PSMF1: variants seen among roughly 807,000 people sequenced by gnomAD.
PSMF1 encodes the protein proteasome inhibitor subunit 1.
PSMF1 carries 30 observed loss-of-function variants against 29.3 expected under a neutral mutation model. That is an observed-to-expected ratio of 1.02 (90% CI 0.77 to 1.39). PSMF1 has a LOEUF of 1.39. PSMF1 is among the 40% of genes most tolerant of loss of function. The pLI, the probability that PSMF1 is intolerant of heterozygous loss-of-function variation, is 0.00. For missense variants in PSMF1, 344 were observed against 357.5 expected, an observed-to-expected ratio of 0.96 and a Z score of 0.31; for synonymous variants, 134 against 139.7, an observed-to-expected ratio of 0.96 and a Z score of 0.29.
At position 1,125,085 on chromosome 20, in the gene PSMF1, C is replaced by T. The variant is rs1009898311; in HGVS notation, c.130-413C>T. Reference sequence around the variant, plus strand: ...TCACTGCAGTCAGTTAGCGTGTATTCGGATCTGTGTTTTTAGTCAACACCT... The same window carrying T: ...TCACTGCAGTCAGTTAGCGTGTATTTGGATCTGTGTTTTTAGTCAACACCT... On this transcript the variant is annotated intron_variant, in intron 1 of 6. Coordinates refer to ENST00000335877, the MANE Select transcript of PSMF1 (RefSeq NM_006814.5). Among the ~76,000 whole-genome samples the T allele has an allele frequency of 6.6e-5, 10 of 152,198 alleles. No homozygotes were observed. In the East Asian group the frequency reaches 1.7e-3, roughly 26 times the overall value.
At position 1,122,162 on chromosome 20, in the gene PSMF1, T is replaced by C. The variant is rs567484976; in HGVS notation, c.129+3260T>C. ...CTTGTGGACCTGGCTGGGAAAAACCTTCTCTAGCCATAGCCTGGGCAATCA... is the reference window on the plus strand; with the variant it reads ...CTTGTGGACCTGGCTGGGAAAAACCCTCTCTAGCCATAGCCTGGGCAATCA... On this transcript the variant is annotated intron_variant, in intron 1 of 6. Transcript: ENST00000335877. 5.4e-3 allele frequency among the ~76,000 whole-genome samples: 823 copies of C among 152,278 alleles called. 9 individuals carry two copies. Among genetic ancestry groups the C allele is most frequent in the Non-Finnish European group, 5.8e-3 (396 of 68,014 alleles).
chr20:1,127,729 C>T (rs1337823345), intron 3 of PSMF1, among the ~76,000 whole-genome samples: 1 of 152,116 alleles, frequency 6.6e-6, no homozygotes, highest in Non-Finnish European at 1.5e-5. Flanking sequence ...GTCAAGAGTC[C>T]ACAAGTGCAG....
At chr20:1,160,780 C>A in intron 4 of PSMF1, 1 of 422,476 alleles carries the variant, frequency 2.4e-6, no homozygotes, top group African/African-American at 2.1e-5. Flanking sequence ...GGCATCCTGA[C>A]GATGAAGTAC....
rs1281468702 is a variant in PSMF1 at position 1,168,451 on chromosome 20, C to T, written c.*3371C>T. The T allele has an allele frequency of 6.6e-6, 1 of 152,266 alleles. No homozygotes were observed. The highest frequency in any genetic ancestry group is 1.5e-5 in the Non-Finnish European group (1 of 68,068). The allele number at this position is 152,266 out of a possible 1,614,324, so 9.4% of individuals were successfully genotyped here. A position where few individuals can be genotyped will look rare whatever the true frequency, so the allele number is the denominator to read the frequency against. On this transcript the variant is annotated 3_prime_UTR_variant, in exon 7 of 7. Coordinates refer to ENST00000335877, the MANE Select transcript of PSMF1 (RefSeq NM_006814.5). ...TACCAGCAGCCCCCACATCACACCT[C>T]CTCTTCCTTGGCTTGTCTCTTCCCC...
chr20:1,117,013 A>C (rs774328894), upstream of PSMF1, among the ~76,000 whole-genome samples: 1 of 152,236 alleles, frequency 6.6e-6, no homozygotes, highest in Non-Finnish European at 1.5e-5. Flanking sequence ...TCTAAGTGTG[A>C]GATGCTGGAG....
chr20:1,155,645 C>G (rs1443131724), intron 4 of PSMF1, among the ~76,000 whole-genome samples: 1 of 152,198 alleles, frequency 6.6e-6, no homozygotes, highest in Non-Finnish European at 1.5e-5. Context: ...GAACCTGATT[C>G]TAAATAGCAT....
intron 4 of PSMF1, among the ~76,000 whole-genome samples, chr20:1,141,024 T>C (rs1365075322): frequency 6.6e-6 from 1 of 152,224 alleles, no homozygotes; most frequent in African/African-American, 2.4e-5. Context: ...AAGGATTTGT[T>C]ATAATGTGGA....
At chr20:1,159,842 A>G (rs2086644577) in intron 4 of PSMF1, among the ~76,000 whole-genome samples, 1 of 152,168 alleles carries the variant, frequency 6.6e-6, no homozygotes, top group Non-Finnish European at 1.5e-5. Context: ...CCAGCCCATC[A>G]GGTGGAACTG....
chr20:1,127,480 G>C lies in PSMF1; in HGVS notation c.337G>C (p.Asp113His), dbSNP rs947536346. Residue 113 changes from aspartate to histidine, a missense_variant, in exon 3 of 7, where the codon GAT becomes CAT. By Grantham distance (81) the Asp-to-His change is moderately conservative. Transcript: ENST00000335877. The stretch of plus-strand genomic sequence containing the variant: ...GACCCTGAACTTGGATGATTATATC[G>C]ATGCAGAACACCTGGGTGACTTCCA... Reference protein sequence around the residue: ...DLTLNLDDYIDAEHLGDFHRT... With the variant: ...DLTLNLDDYIHAEHLGDFHRT... The C allele has an allele frequency of 6.2e-7, 1 of 1,606,756 alleles. No individual in the cohort carries two copies. Among genetic ancestry groups the C allele is most frequent in the Non-Finnish European group, 8.5e-7 (1 of 1,173,388 alleles).
Position 1,120,764 on chromosome 20 carries a change from A to G in PSMF1, c.129+1862A>G, listed in dbSNP as rs578261396. Among the ~76,000 whole-genome samples the G allele has an allele frequency of 5.3e-4, 80 of 152,218 alleles. 1 individual carries two copies. The South Asian group carries it at 0.012, about 23-fold the overall frequency. On this transcript the variant is annotated intron_variant, in intron 1 of 6. Coordinates refer to ENST00000335877, the MANE Select transcript of PSMF1 (RefSeq NM_006814.5). ...CCCTGCCCTTTGTCTTGTCCTTCAG[A>G]TGGAACAGCTCTGCTTTGCACTCTG...
At chr20:1,154,284 A>AT (rs796348577) in intron 4 of PSMF1, among the ~76,000 whole-genome samples, 1 of 152,078 alleles carries the variant, frequency 6.6e-6, no homozygotes, top group Non-Finnish European at 1.5e-5. Flanking sequence ...ATTTATGTAT[A>AT]TTTTTTCTTT....
At chr20:1,126,394 G>A (rs763147299) in intron 2 of PSMF1, among the ~76,000 whole-genome samples, 4 of 152,098 alleles carry the variant, frequency 2.6e-5, no homozygotes, top group Non-Finnish European at 5.9e-5. Context: ...TTGGAGGCAA[G>A]ACCTTGACAT....
chr20:1,150,672 A>C (rs752159074), intron 4 of PSMF1, among the ~76,000 whole-genome samples: 37 of 152,182 alleles, frequency 2.4e-4, no homozygotes, highest in Non-Finnish European at 7.3e-5. Context: ...CCTTCATTAA[A>C]TATATGTATT....
chr20:1,139,465 A>G (rs758144868), intron 4 of PSMF1, among the ~76,000 whole-genome samples: 3 of 152,236 alleles, frequency 2.0e-5, no homozygotes, highest in Non-Finnish European at 4.4e-5. Context: ...ATGACGTGAT[A>G]TCTTGTATAC....
chr20:1,141,983 C>T lies in PSMF1; in HGVS notation c.551+6677C>T, dbSNP rs147755592. 3.4e-3 allele frequency among the ~76,000 whole-genome samples: 516 copies of T among 152,240 alleles called. 2 individuals carry two copies. The highest frequency in any genetic ancestry group is 0.012 in the African/African-American group (492 of 41,544). ...CCTGTAATCCCAGCACTTTGGAGGCCGAAGAGGGCAGATTACCTGAGGTCA... is the reference window on the plus strand; with the variant it reads ...CCTGTAATCCCAGCACTTTGGAGGCTGAAGAGGGCAGATTACCTGAGGTCA... On this transcript the variant is annotated intron_variant, in intron 4 of 6. Coordinates refer to ENST00000335877, the MANE Select transcript of PSMF1 (RefSeq NM_006814.5).
At chr20:1,147,135 TATCATC>T (rs112288654) in intron 4 of PSMF1, among the ~76,000 whole-genome samples, 4,431 of 146,722 alleles carry the variant, frequency 0.03, 113 homozygotes, top group Non-Finnish European at 0.046. Flanking sequence ...TTGTTTCCGT[TATCATC>T]ATCATCATCA....
intron 4 of PSMF1, among the ~76,000 whole-genome samples, chr20:1,161,870 G>T (rs1014165274): frequency 6.6e-6 from 1 of 152,220 alleles, no homozygotes; most frequent in Non-Finnish European, 1.5e-5. Context: ...TGTAGAACTT[G>T]TTGCTGATTT....
chr20:1,131,525 A>T (rs2284371), intron 3 of PSMF1, among the ~76,000 whole-genome samples: 61,265 of 152,040 alleles, frequency 0.4, 13,203 homozygotes, highest in Admixed American at 0.48. Flanking sequence ...ACCAGGAGTC[A>T]TCTCCGTGGA....
In PSMF1 at chr20:1,166,233, G is replaced by T; in HGVS notation, c.*1153G>T. The T allele has an allele frequency of 6.2e-7, 1 of 1,612,482 alleles. No homozygotes were observed. The highest frequency in any genetic ancestry group is 1.3e-5 in the African/African-American group (1 of 75,022). ...TTCTCCGGATCCTTTTCAGCCCGAG[G>T]CCTGACAGACGCGGGCAGTGATGAG... On this transcript the variant is annotated 3_prime_UTR_variant, in exon 7 of 7. Transcript: ENST00000335877.
Sources: allele counts gnomAD v4.1 joint callset (sites outside exome capture counted in the v4.1 genomes callset), GRCh38; gene constraint gnomAD v4.1.1; transcripts MANE v1.5; gene names NCBI Gene and HGNC (gene_info 2026-07-23, HGNC 2026-07-21).